UBE2U: variants seen among roughly 807,000 people sequenced by gnomAD.
UBE2U encodes ubiquitin-conjugating enzyme E2 U.
Under a neutral mutation model 41.2 loss-of-function variants are expected in UBE2U, and 39 were observed. That is an observed-to-expected ratio of 0.95 (90% CI 0.73 to 1.24). The LOEUF is 1.24. Ranked by LOEUF, UBE2U falls within the 50% of genes most tolerant of loss-of-function variation. The probability of loss-of-function intolerance (pLI) is 0.00; values close to 1 mark genes in which losing one functional copy is unlikely to be tolerated. For synonymous variants in UBE2U, 107 were observed against 117.8 expected, an observed-to-expected ratio of 0.91 and a Z score of 0.60; for missense variants, 336 against 363.1, an observed-to-expected ratio of 0.93 and a Z score of 0.61.
intron 5 of UBE2U, 33 bp downstream of exon 5, chr1:64,214,965 G>T (rs1440532714): frequency 6.4e-7 from 1 of 1,553,804 alleles, no homozygotes; most frequent in Non-Finnish European, 8.9e-7. Context: ...AGGTGCAGTG[G>T]CTCACGCCTG....
chr1:64,260,718 T>C, intron 9 of UBE2U, 24 bp downstream of exon 9: 1 of 1,533,088 alleles, frequency 6.5e-7, no homozygotes, highest in Non-Finnish European at 8.8e-7. Flanking sequence ...CTCTATTTGT[T>C]TTGCTTTTAT....
intron 7 of UBE2U, among the ~76,000 whole-genome samples, chr1:64,234,247 A>T (rs1644625292): frequency 6.6e-6 from 1 of 152,164 alleles, no homozygotes; most frequent in Non-Finnish European, 1.5e-5. Flanking sequence ...CCCCAAATCT[A>T]TCTTTCTTCC....
At chr1:64,256,974 A>G (rs1311423140) in intron 8 of UBE2U, among the ~76,000 whole-genome samples, 1 of 152,188 alleles carries the variant, frequency 6.6e-6, no homozygotes, top group Non-Finnish European at 1.5e-5. Flanking sequence ...AAGAAGATAT[A>G]CATGCAGCCA....
chr1:64,239,095 A>AGAGGAAGAGGAAGAGGAAGAG (rs1491587912), intron 7 of UBE2U, among the ~76,000 whole-genome samples: 1 of 13,000 alleles, frequency 7.7e-5, no homozygotes, highest in African/African-American at 4.9e-4. Flanking sequence ...AGGAAGAGGA[A>AGAGGAAGAGGAAGAGGAAGAG]GAAGAAGAAG....
rs1057191466 is a variant in UBE2U at position 64,257,915 on chromosome 1, GA to G, written c.678-2678del. 2.3e-3 allele frequency among the ~76,000 whole-genome samples: 335 copies of G among 147,240 alleles called. 1 individual carries two copies. The highest frequency in any genetic ancestry group is 7.6e-3 in the African/African-American group (307 of 40,300). The stretch of plus-strand genomic sequence containing the variant: ...AAGATAAAGGAGATTTTCACACATT[GA>G]AAAAAAAAACTCTCAGTAAATTAAG... On this transcript the variant is annotated intron_variant, in intron 8 of 9. Transcript: ENST00000371077.
At chr1:64,211,125 C>T (rs1479966763) in intron 4 of UBE2U, among the ~76,000 whole-genome samples, 1 of 151,944 alleles carries the variant, frequency 6.6e-6, no homozygotes, top group East Asian at 1.9e-4. Flanking sequence ...AAAATATAAC[C>T]TTAGGTTTTC....
At chr1:64,238,418 A>T (rs976328908) in intron 7 of UBE2U, among the ~76,000 whole-genome samples, 11 of 151,744 alleles carry the variant, frequency 7.2e-5, no homozygotes, top group Non-Finnish European at 1.3e-4. Context: ...AAAAAAAAGA[A>T]AAGATAAAAA....
At chr1:64,239,095 A>AGAGGAAGAGGAAGAG (rs1491587912) in intron 7 of UBE2U, among the ~76,000 whole-genome samples, 3 of 13,004 alleles carry the variant, frequency 2.3e-4, no homozygotes, top group South Asian at 2.9e-3. Flanking sequence ...AGGAAGAGGA[A>AGAGGAAGAGGAAGAG]GAAGAAGAAG....
chr1:64,238,522 G>A (rs1364208424), intron 7 of UBE2U, among the ~76,000 whole-genome samples: 2 of 152,022 alleles, frequency 1.3e-5, no homozygotes, highest in Non-Finnish European at 2.9e-5. Flanking sequence ...CTTCTTTAAT[G>A]GAAGGGAGGA....
At chr1:64,204,568 C>T (rs1035791453) in intron 1 of UBE2U, among the ~76,000 whole-genome samples, 3 of 152,188 alleles carry the variant, frequency 2.0e-5, no homozygotes, top group Non-Finnish European at 4.4e-5. Flanking sequence ...TGTTCCACTG[C>T]TTACTGTCTA....
intron 5 of UBE2U, among the ~76,000 whole-genome samples, chr1:64,219,210 A>G (rs1406643305): frequency 6.6e-6 from 1 of 152,232 alleles, no homozygotes; most frequent in African/African-American, 2.4e-5. Context: ...TAGTTTGGAA[A>G]TAGTTTTCTT....
intron 2 of UBE2U, among the ~76,000 whole-genome samples, chr1:64,206,403 GGAT>G (rs1444162409): frequency 6.6e-6 from 1 of 151,826 alleles, no homozygotes; most frequent in Admixed American, 6.6e-5. Flanking sequence ...TTCAGAAGAA[GGAT>G]AAGGAAATTC....
At chr1:64,242,784 G>T (rs956452883) in intron 8 of UBE2U, among the ~76,000 whole-genome samples, 2 of 152,118 alleles carry the variant, frequency 1.3e-5, no homozygotes, top group African/African-American at 4.8e-5. Context: ...GAAGTAGAAA[G>T]TTTTTTATCC....
At chr1:64,259,264 C>T (rs1474960180) in intron 8 of UBE2U, among the ~76,000 whole-genome samples, 1 of 152,114 alleles carries the variant, frequency 6.6e-6, no homozygotes, top group African/African-American at 2.4e-5. Context: ...TTCTCCCATT[C>T]TGTAGGTTGC....
intron 9 of UBE2U, among the ~76,000 whole-genome samples, chr1:64,262,927 A>G (rs980455689): frequency 6.6e-5 from 10 of 152,320 alleles, no homozygotes; most frequent in African/African-American, 2.4e-4. Flanking sequence ...CTCACCTCCC[A>G]GTCTTCCACA....
intron 5 of UBE2U, among the ~76,000 whole-genome samples, chr1:64,215,782 A>T (rs1381153315): frequency 2.6e-5 from 4 of 152,070 alleles, no homozygotes; most frequent in Admixed American, 2.6e-4. Context: ...CAGCCTCGTT[A>T]TGACTCCTAA....
chr1:64,241,445 T>C (rs1321982060), intron 7 of UBE2U, among the ~76,000 whole-genome samples: 1 of 152,202 alleles, frequency 6.6e-6, no homozygotes, highest in Admixed American at 6.5e-5. Flanking sequence ...AGTCATAATC[T>C]ATTTCAAACA....
chr1:64,244,688 C>T (rs1644891742), intron 8 of UBE2U, among the ~76,000 whole-genome samples: 1 of 152,108 alleles, frequency 6.6e-6, no homozygotes, highest in African/African-American at 2.4e-5. Flanking sequence ...CTGACAAGCT[C>T]AGGCATTCAC....
chr1:64,214,282 G>C (rs1216367636), intron 4 of UBE2U, among the ~76,000 whole-genome samples: 1 of 152,036 alleles, frequency 6.6e-6, no homozygotes, highest in African/African-American at 2.4e-5. Flanking sequence ...CTGTGACTAG[G>C]GAGCTGAATT....
Sources: allele counts gnomAD v4.1 joint callset (sites outside exome capture counted in the v4.1 genomes callset), GRCh38; gene constraint gnomAD v4.1.1; transcripts MANE v1.5; gene names NCBI Gene and HGNC (gene_info 2026-07-23, HGNC 2026-07-21).